SULF1: variants seen among roughly 807,000 people sequenced by gnomAD.
The protein encoded by SULF1 is extracellular sulfatase Sulf-1.
Under a neutral mutation model 110.5 loss-of-function variants are expected in SULF1, and 46 were observed. That is an observed-to-expected ratio of 0.42 (90% confidence interval 0.33 to 0.53). The LOEUF (loss-of-function observed/expected upper bound fraction) is 0.53, where lower values mean the gene tolerates loss of function less well. SULF1 is among the 20% of genes least tolerant of loss of function. The pLI, the probability that SULF1 is intolerant of heterozygous loss-of-function variation, is 0.12. For missense variants in SULF1, 941 were observed against 1,094.2 expected (o/e 0.86, Z 1.98); for synonymous variants, 371 against 387.1 (o/e 0.96, Z 0.49).
At chr8:69,572,598 G>A (rs1422760819) in intron 5 of SULF1, among the ~76,000 whole-genome samples, 3 of 152,116 alleles carry the variant, frequency 2.0e-5, no homozygotes, top group Non-Finnish European at 2.9e-5. Context: ...CTGATTCTGT[G>A]TCCAACCTAG....
intron 3 of SULF1, among the ~76,000 whole-genome samples, chr8:69,545,312 C>T (rs147699323): frequency 1.5e-3 from 222 of 152,082 alleles, no homozygotes; most frequent in African/African-American, 4.9e-3. Flanking sequence ...CGTTAAAGGC[C>T]GTGTTGTCCT....
chr8:69,569,200 A>G (rs1282648144), intron 5 of SULF1, among the ~76,000 whole-genome samples: 1 of 152,216 alleles, frequency 6.6e-6, no homozygotes, highest in Admixed American at 6.5e-5. Context: ...CTCTTAGATC[A>G]TATGTATAGG....
chr8:69,541,756 G>A (rs779419366), intron 3 of SULF1, among the ~76,000 whole-genome samples: 6 of 152,182 alleles, frequency 3.9e-5, no homozygotes, highest in Non-Finnish European at 7.3e-5. Flanking sequence ...AATAAGATAT[G>A]TGGGTATTGT....
intron 12 of SULF1, 70 bp from the exon 13 acceptor site, chr8:69,604,733 A>AG (rs149602643): frequency 2.6e-4 from 360 of 1,374,930 alleles, no homozygotes; most frequent in Middle Eastern, 5.8e-4. Flanking sequence ...AAAAAAAAAA[A>AG]GGGGGCAGGA....
At position 69,624,069 on chromosome 8, in the gene SULF1, T is replaced by A. The variant is rs1809813007; in HGVS notation, c.1722T>A (p.Ala574=). 2 of 1,614,046 alleles carry A rather than the reference T, an allele frequency of 1.2e-6. No individual in the cohort carries two copies. Among genetic ancestry groups the A allele is most frequent in the South Asian group, 2.2e-5 (2 of 91,092 alleles). ...AAGTGTTGCAACCAAGAAACATTGCTAAGCGTCATGATGAAGGCCACAAGG... is the reference window on the plus strand; with the variant it reads ...AAGTGTTGCAACCAAGAAACATTGCAAAGCGTCATGATGAAGGCCACAAGG... ...ELQVLQPRNI[A]KRHDEGHKGP... Residue 574 remains alanine (A), a synonymous_variant, in exon 15 of 23, where the codon GCT becomes GCA. Transcript: ENST00000402687.
At chr8:69,520,656 A>G (rs186758995) in intron 3 of SULF1, among the ~76,000 whole-genome samples, 2 of 152,202 alleles carry the variant, frequency 1.3e-5, no homozygotes, top group East Asian at 3.9e-4. Context: ...TTTTTCCAAC[A>G]TTTCCCCCTT....
rs115364494 is a variant in SULF1, at chr8:69,638,270, T to G, written c.2285-232T>G. On this transcript the variant is annotated intron_variant, in intron 19 of 22. Coordinates refer to ENST00000402687, the MANE Select transcript of SULF1 (RefSeq NM_001128205.2). The stretch of plus-strand genomic sequence containing the variant: ...AAACTAATGTGCCTGAAATTTTACT[T>G]TAGTCTTCAGCCTATAAGAGATCAC... 1,111 of 500,550 alleles carry G rather than the reference T, an allele frequency of 2.2e-3. 12 individuals carry two copies. Among genetic ancestry groups the G allele is most frequent in the African/African-American group, 0.02 (1,015 of 50,240 alleles). The allele number at this position is 500,550 out of a possible 1,614,324, so 31.0% of individuals were successfully genotyped here.
chr8:69,581,037 A>G (rs1028121667), intron 6 of SULF1, among the ~76,000 whole-genome samples: 1 of 152,226 alleles, frequency 6.6e-6, no homozygotes. Flanking sequence ...GAGAAATGTC[A>G]TACATTTATT....
In SULF1 at chr8:69,601,790, C is replaced by CT. The variant is rs773014665; in HGVS notation, c.1029dup (p.Ile344TyrfsTer20). 6.2e-7 allele frequency: 1 copy of CT among 1,610,774 alleles called. No homozygotes were observed. The stretch of plus-strand genomic sequence containing the variant: ...CCATATGACTTTGATATTCGTGTGC[C>CT]TTTTTTTATTCGTGGTCCAAGTGTA... On this transcript the variant is annotated frameshift_variant, in exon 10 of 23. Coordinates refer to ENST00000402687, the MANE Select transcript of SULF1 (RefSeq NM_001128205.2). LOFTEE classifies it high-confidence loss of function.
At chr8:69,483,751 C>T (rs1437823448) in intron 1 of SULF1, among the ~76,000 whole-genome samples, 2 of 152,178 alleles carry the variant, frequency 1.3e-5, no homozygotes, top group South Asian at 2.1e-4. Context: ...ATTGTGTCCA[C>T]TGCAACCCAG....
At chr8:69,633,462 G>A in intron 19 of SULF1, among the ~76,000 whole-genome samples, 1 of 151,438 alleles carries the variant, frequency 6.6e-6, no homozygotes, top group Non-Finnish European at 1.5e-5. Context: ...CCAAGTAGCT[G>A]GGATTACAGG....
chr8:69,590,048 C>T (rs933652192), intron 8 of SULF1, among the ~76,000 whole-genome samples: 1 of 152,180 alleles, frequency 6.6e-6, no homozygotes, highest in Non-Finnish European at 1.5e-5. Context: ...CTCTTTTCAT[C>T]CACACTGGTT....
chr8:69,636,469 G>A (rs533421101), intron 19 of SULF1, among the ~76,000 whole-genome samples: 20 of 152,066 alleles, frequency 1.3e-4, no homozygotes, highest in East Asian at 1.2e-3. Context: ...CCCAGGAGGC[G>A]GAGCTTGCAG....
intron 1 of SULF1, among the ~76,000 whole-genome samples, chr8:69,481,085 T>A (rs1304701867): frequency 1.3e-5 from 2 of 152,252 alleles, no homozygotes; most frequent in Admixed American, 6.5e-5. Flanking sequence ...TAAGACATGT[T>A]CTAGATTTCC....
At chr8:69,642,287 T>C in intron 22 of SULF1, 1 of 987,298 alleles carries the variant, frequency 1.0e-6, no homozygotes, top group Non-Finnish European at 1.2e-6. Context: ...TCTCAGATGC[T>C]TCCTTTTAGA....
At position 69,604,721 on chromosome 8, in the gene SULF1, G is replaced by GT. The variant is rs1022732324; in HGVS notation, c.1248-81dup. The GT allele has an allele frequency of 2.6e-6, 4 of 1,544,894 alleles. No individual in the cohort carries two copies. In the African/African-American group the frequency reaches 4.2e-5, roughly 16 times the overall value. On this transcript the variant is annotated intron_variant, in intron 12 of 22. Coordinates refer to ENST00000402687, the MANE Select transcript of SULF1 (RefSeq NM_001128205.2). ...AAAGAATGTGGAGTCATGTGACAGG[G>GT]TAAAAAAAAAAAGGGGGCAGGACTC...
At chr8:69,521,473 G>T (rs1383455961) in intron 3 of SULF1, among the ~76,000 whole-genome samples, 2 of 152,130 alleles carry the variant, frequency 1.3e-5, no homozygotes, top group Admixed American at 6.5e-5. Flanking sequence ...GGTAAGATTT[G>T]AACAAAGACT....
intron 3 of SULF1, among the ~76,000 whole-genome samples, chr8:69,528,299 T>G (rs567146006): frequency 1.3e-5 from 2 of 152,242 alleles, no homozygotes; most frequent in East Asian, 3.9e-4. Flanking sequence ...AATCCCCAAC[T>G]CAGCAATTCC....
rs1486626075 is a variant in SULF1 at position 69,579,564 on chromosome 8, C to CACACACAA, written c.412+3356_412+3357insCACACAAA. On this transcript the variant is annotated intron_variant, in intron 6 of 22. Transcript: ENST00000402687. ...ACTCTGTCACACACACACACACACA[C>CACACACAA]AAAAAAAAAAAAAAATGGGAAGACT... Among the ~76,000 whole-genome samples the CACACACAA allele has an allele frequency of 6.7e-5, 7 of 105,074 alleles. No individual in the cohort carries two copies. The East Asian group carries it at 2.0e-3, about 30-fold the overall frequency. The allele number at this position is 105,074 out of a possible 152,430, so 68.9% of individuals were successfully genotyped here.
Sources: allele counts gnomAD v4.1 joint callset (sites outside exome capture counted in the v4.1 genomes callset), GRCh38; gene constraint gnomAD v4.1.1; transcripts MANE v1.5; gene names NCBI Gene and HGNC (gene_info 2026-07-23, HGNC 2026-07-21).